The following PPFIBP2 variants were observed in gnomAD, a reference collection of about 807,000 sequenced individuals.
The protein encoded by PPFIBP2 is PPFIB scaffold protein 2.
In PPFIBP2, 118 loss-of-function variants were observed where a neutral mutation model predicts 118.3. The observed-to-expected ratio is 1.00, with a 90% CI of 0.86 to 1.16. The LOEUF (loss-of-function observed/expected upper bound fraction) is 1.16, where lower values mean the gene tolerates loss of function less well. PPFIBP2 is among the 50% of genes most tolerant of loss of function. The pLI is 0.00. For missense variants in PPFIBP2, 1,195 were observed against 1,073.1 expected, an observed-to-expected ratio of 1.11 and a Z score of -1.59; for synonymous variants, 414 against 397.4, an observed-to-expected ratio of 1.04 and a Z score of -0.50.
chr11:7,651,605 C>A, intron 22 of PPFIBP2, 51 bp from the exon 23 acceptor site: 1 of 1,524,398 alleles, frequency 6.6e-7, no homozygotes, highest in Non-Finnish European at 8.9e-7. Flanking sequence ...TCCTCCCCCT[C>A]GAGCCATTTG....
At position 7,620,739 on chromosome 11, in the gene PPFIBP2, T is replaced by C. The variant is rs187660357; in HGVS notation, c.619-196T>C. ...TAAAAGGAAAGTTTTCACTTTCTTA[T>C]GTCTGGAACTCCCTGGCCTTTGTTT... On this transcript the variant is annotated intron_variant, in intron 6 of 23. Transcript: ENST00000299492. 5.7e-3 allele frequency among the ~76,000 whole-genome samples: 866 copies of C among 152,336 alleles called. 6 individuals carry two copies. The highest frequency in any genetic ancestry group is 0.019 in the African/African-American group (803 of 41,566).
At chr11:7,647,123 G>A (rs2135968062) in intron 17 of PPFIBP2, among the ~76,000 whole-genome samples, 1 of 152,164 alleles carries the variant, frequency 6.6e-6, no homozygotes, top group South Asian at 2.1e-4. Context: ...CTTATCCTTT[G>A]AGGAATTCCC....
chr11:7,619,144 T>C (rs1336496817), intron 6 of PPFIBP2, among the ~76,000 whole-genome samples: 1 of 152,204 alleles, frequency 6.6e-6, no homozygotes, highest in Non-Finnish European at 1.5e-5. Context: ...AAATACCTCA[T>C]GGAGTTTACA....
chr11:7,618,862 G>T lies in PPFIBP2; in HGVS notation c.619-2073G>T, dbSNP rs1006755029. On this transcript the variant is annotated intron_variant, in intron 6 of 23. Transcript: ENST00000299492. The stretch of plus-strand genomic sequence containing the variant: ...TTCCCAAAGTGCTGGGATTACAGGC[G>T]TGAGCCACCATGCCATCCAGAAGTT... Among the ~76,000 whole-genome samples, 8 of 150,560 alleles carry T rather than the reference G, an allele frequency of 5.3e-5. No homozygotes were observed. In the East Asian group the frequency reaches 1.6e-3, roughly 29 times the overall value.
intron 4 of PPFIBP2, among the ~76,000 whole-genome samples, chr11:7,596,972 C>T (rs1211828395): frequency 6.6e-6 from 1 of 152,096 alleles, no homozygotes; most frequent in Non-Finnish European, 1.5e-5. Flanking sequence ...TGTGGCTTCT[C>T]TATATTTATG....
At chr11:7,558,912 C>G (rs573342756) in intron 2 of PPFIBP2, among the ~76,000 whole-genome samples, 2 of 152,278 alleles carry the variant, frequency 1.3e-5, no homozygotes, top group South Asian at 4.2e-4. Flanking sequence ...ACCATCAAAG[C>G]TAGACTTCAT....
intron 3 of PPFIBP2, chr11:7,571,683 GT>G (rs1855666011): frequency 6.6e-6 from 1 of 152,200 alleles, no homozygotes; most frequent in Non-Finnish European, 1.5e-5. Context: ...TTTCCAGCAT[GT>G]TTTCTTACCT....
chr11:7,656,709 C>A (rs544688835), downstream of PPFIBP2: 3 of 1,289,724 alleles, frequency 2.3e-6, no homozygotes, highest in Non-Finnish European at 3.0e-6. Flanking sequence ...ACTGACCCTT[C>A]GGCTGTGTCC....
intron 6 of PPFIBP2, among the ~76,000 whole-genome samples, chr11:7,614,330 TAC>T (rs1220197079): frequency 6.6e-6 from 1 of 152,230 alleles, no homozygotes; most frequent in Non-Finnish European, 1.5e-5. Context: ...TTCATGTGGA[TAC>T]ACACAGACAC....
intron 2 of PPFIBP2, among the ~76,000 whole-genome samples, chr11:7,558,290 C>T (rs144707338): frequency 1.2e-3 from 182 of 152,250 alleles, no homozygotes; most frequent in African/African-American, 4.0e-3. Flanking sequence ...AGACTTTCTC[C>T]CACAGTGATA....
In PPFIBP2 at chr11:7,650,951, C is replaced by G. The variant is rs769433522; in HGVS notation, c.2233C>G (p.His745Asp). 6.2e-7 allele frequency: 1 copy of G among 1,613,264 alleles called. No homozygotes were observed. Among genetic ancestry groups the G allele is most frequent in the East Asian group, 2.2e-5 (1 of 44,882 alleles). Reference protein sequence around the residue: ...YAPNLRGSGVHGGLIILEPRF... With the variant: ...YAPNLRGSGVDGGLIILEPRF... ...ACCCAATCTTCGAGGGAGTGGAGTCCATGGAGGCCTCATTGTGAGTGGCTC... is the reference window on the plus strand; with the variant it reads ...ACCCAATCTTCGAGGGAGTGGAGTCGATGGAGGCCTCATTGTGAGTGGCTC... The change falls in exon 22 of 24, where the codon CAT becomes GAT. Residue 745 changes from histidine (H) to aspartate (D), a missense_variant. Coordinates refer to ENST00000299492, the MANE Select transcript of PPFIBP2 (RefSeq NM_003621.5).
At chr11:7,635,688 G>A in intron 14 of PPFIBP2, 95 bp downstream of exon 14, 2 of 1,388,782 alleles carry the variant, frequency 1.4e-6, no homozygotes, top group Non-Finnish European at 2.0e-6. Context: ...CTTAAAATGT[G>A]CCAACTGTAA....
intron 3 of PPFIBP2, among the ~76,000 whole-genome samples, chr11:7,584,427 A>T (rs1857754168): frequency 6.6e-6 from 1 of 151,928 alleles, no homozygotes; most frequent in Admixed American, 6.6e-5. Context: ...CTCTTGTTGG[A>T]CTCCTGGTAG....
chr11:7,541,508 C>T (rs10839802), intron 1 of PPFIBP2, among the ~76,000 whole-genome samples: 24,974 of 152,094 alleles, frequency 0.16, 2,455 homozygotes, highest in Middle Eastern at 0.22. Context: ...CTTATGGGTG[C>T]CACTCTCACT....
downstream of PPFIBP2, among the ~76,000 whole-genome samples, chr11:7,659,071 A>G (rs1439852740): frequency 2.5e-5 from 3 of 120,306 alleles, no homozygotes; most frequent in South Asian, 2.8e-4. Context: ...AGGTTGCGAA[A>G]ATTTTCTCCC....
At chr11:7,557,585 G>A (rs752803394) in intron 2 of PPFIBP2, among the ~76,000 whole-genome samples, 64 of 150,694 alleles carry the variant, frequency 4.2e-4, no homozygotes, top group Non-Finnish European at 8.5e-4. Context: ...TCCATCTCCT[G>A]GGTTCAAGCA....
chr11:7,602,889 T>A (rs1191291450), intron 5 of PPFIBP2, among the ~76,000 whole-genome samples: 4 of 152,204 alleles, frequency 2.6e-5, no homozygotes, highest in Non-Finnish European at 4.4e-5. Context: ...AAAGTCAGTG[T>A]ACCTGTTTCC....
rs777052387 is a variant in PPFIBP2, at chr11:7,616,839, A to T, written c.619-4096A>T. 2.6e-5 allele frequency among the ~76,000 whole-genome samples: 4 copies of T among 151,862 alleles called. No individual in the cohort carries two copies. The highest frequency in any genetic ancestry group is 4.8e-5 in the African/African-American group (2 of 41,358). On this transcript the variant is annotated intron_variant, in intron 6 of 23. Transcript: ENST00000299492. This position sits in a 1 kb window ranked among gnomAD's most constrained non-coding sequence, Gnocchi z 5.2. ...GGATGAAGAGTTTCTTCTAGACTCC[A>T]TGCCTCGGTGTTGACACAACAATAT...
intron 1 of PPFIBP2, among the ~76,000 whole-genome samples, chr11:7,518,770 C>T (rs1186110958): frequency 6.6e-6 from 1 of 152,184 alleles, no homozygotes; most frequent in African/African-American, 2.4e-5. Context: ...GGAACATGAA[C>T]TCTTAACAAT....
Sources: allele counts gnomAD v4.1 joint callset (sites outside exome capture counted in the v4.1 genomes callset), GRCh38; gene constraint gnomAD v4.1.1; non-coding constraint Gnocchi (gnomAD v3.1); transcripts MANE v1.5; gene names NCBI Gene and HGNC (gene_info 2026-07-23, HGNC 2026-07-21).